PRIM2: variants seen among roughly 807,000 people sequenced by gnomAD.
The protein encoded by PRIM2 is DNA primase subunit 2, also known as DNA primase large subunit.
PRIM2 carries 39 observed loss-of-function variants against 67.3 expected under a neutral mutation model. That is an observed-to-expected ratio of 0.58 (90% CI 0.45 to 0.76). The LOEUF (loss-of-function observed/expected upper bound fraction) is 0.76. Ranked by LOEUF, PRIM2 falls within the 30% of genes least tolerant of loss-of-function variation. PRIM2 has a pLI of 0.00. For missense variants in PRIM2, 398 were observed against 598.7 expected (o/e 0.66, Z 3.50); for synonymous variants, 143 against 198.7 (o/e 0.72, Z 2.36).
At position 57,601,165 on chromosome 6, in the gene PRIM2, T is replaced by C; in HGVS notation, c.1093T>C (p.Phe365Leu). 1.2e-6 allele frequency: 2 copies of C among 1,612,756 alleles called. No homozygotes were observed. Among genetic ancestry groups the C allele is most frequent in the South Asian group, 2.2e-5 (2 of 90,910 alleles). The change falls in exon 11 of 14, where the codon TTC becomes CTC. Residue 365 changes from phenylalanine to leucine, a missense_variant. By Grantham distance (22) the Phe-to-Leu change is conservative. Transcript: ENST00000615550. ...KEGKRTDYTPFSCLKIILSNP... is the reference protein window; with the variant it reads ...KEGKRTDYTPLSCLKIILSNP... ...AGGCAAGAGGACAGACTATACACCT[T>C]TCAGTTGCCTGAAGATTATTCTGTC...
chr6:57,277,527 T>C, the PRIM2 span, among the ~76,000 whole-genome samples: 1 of 152,118 alleles, frequency 6.6e-6, no homozygotes, highest in African/African-American at 2.4e-5. Context: ...CAGTTACCCA[T>C]TTAAAGTTAA....
At chr6:57,439,705 G>A (rs113797280) in intron 7 of PRIM2, among the ~76,000 whole-genome samples, 3 of 151,898 alleles carry the variant, frequency 2.0e-5, no homozygotes, top group Non-Finnish European at 4.4e-5. Context: ...CTGAGCCACC[G>A]TGCCTGGCCG....
the PRIM2 span, among the ~76,000 whole-genome samples, chr6:57,289,456 A>G: frequency 6.6e-6 from 1 of 152,096 alleles, no homozygotes; most frequent in Non-Finnish European, 1.5e-5. Flanking sequence ...TACAGGGAAC[A>G]CCACAAAGAT....
chr6:57,437,209 C>T (rs372671612), intron 7 of PRIM2, among the ~76,000 whole-genome samples: 3 of 152,280 alleles, frequency 2.0e-5, no homozygotes, highest in Admixed American at 6.5e-5. Context: ...ACAAGAGCAG[C>T]GCCAAGGGCA....
chr6:57,455,256 T>C (rs1043564600), intron 7 of PRIM2, among the ~76,000 whole-genome samples: 1 of 152,236 alleles, frequency 6.6e-6, no homozygotes, highest in Non-Finnish European at 1.5e-5. Context: ...GAAGAATGTG[T>C]ATTCTGTTGA....
intron 12 of PRIM2, among the ~76,000 whole-genome samples, chr6:57,618,751 C>T (rs1197365073): frequency 6.6e-6 from 1 of 152,142 alleles, no homozygotes; most frequent in Non-Finnish European, 1.5e-5. Context: ...CACCCCGTCC[C>T]CCACAGCAGC....
chr6:57,369,238 T>C (rs1394837303), intron 5 of PRIM2, among the ~76,000 whole-genome samples: 4 of 152,198 alleles, frequency 2.6e-5, no homozygotes, highest in Non-Finnish European at 5.9e-5. Context: ...CTTTCAGGAT[T>C]TCAACAGAGT....
chr6:57,443,983 G>A (rs1211469021), intron 7 of PRIM2, among the ~76,000 whole-genome samples: 1 of 152,070 alleles, frequency 6.6e-6, no homozygotes, highest in African/African-American at 2.4e-5. Context: ...TTCTGCATGT[G>A]GAAATCCAGT....
Position 57,646,327 on chromosome 6 carries a change from C to T in PRIM2, c.*169C>T. On this transcript the variant is annotated 3_prime_UTR_variant, in exon 14 of 14. Coordinates refer to ENST00000615550, the MANE Select transcript of PRIM2 (RefSeq NM_000947.5). ...TCAAGTGATCCTCCTACCTCAGCCT[C>T]CCAAGTAGTTAGGACCACAGGTGTG... is the stretch of plus-strand genomic sequence containing the variant. The T allele has an allele frequency of 1.6e-6, 1 of 615,922 alleles. No homozygotes were observed. Among genetic ancestry groups the T allele is most frequent in the Non-Finnish European group, 2.8e-6 (1 of 351,088 alleles). 38.2% of individuals were successfully genotyped at this position (615,922 alleles called of 1,614,324 possible). A position where few individuals can be genotyped will look rare whatever the true frequency, so the allele number is the denominator to read the frequency against.
At chr6:57,385,503 A>G (rs7771695) in intron 7 of PRIM2, among the ~76,000 whole-genome samples, 1 of 152,318 alleles carries the variant, frequency 6.6e-6, no homozygotes, top group Admixed American at 6.5e-5. Flanking sequence ...TTTCCTGCAT[A>G]ACCACAATTC....
At chr6:57,293,243 C>T in the PRIM2 span, among the ~76,000 whole-genome samples, 3 of 152,218 alleles carry the variant, frequency 2.0e-5, no homozygotes, top group East Asian at 1.9e-4. Flanking sequence ...AAATACTCAT[C>T]GTCACTGCTC....
chr6:57,555,271 G>A (rs1395698567), intron 10 of PRIM2, among the ~76,000 whole-genome samples: 1 of 152,074 alleles, frequency 6.6e-6, no homozygotes, highest in Non-Finnish European at 1.5e-5. Context: ...GGCACTTTGT[G>A]TAAATATTGT....
At chr6:57,570,640 A>G (rs1298934321) in intron 10 of PRIM2, among the ~76,000 whole-genome samples, 1 of 152,202 alleles carries the variant, frequency 6.6e-6, no homozygotes, top group Non-Finnish European at 1.5e-5. Context: ...GATGTAAAGC[A>G]GCAATAATAT....
At chr6:57,317,781 A>G (rs976361818) in intron 1 of PRIM2, 80 bp downstream of exon 1, 1 of 152,868 alleles carries the variant, frequency 6.5e-6, no homozygotes, top group Admixed American at 6.5e-5. Context: ...GGAGAGATGG[A>G]TCACTTTGCA....
intron 7 of PRIM2, among the ~76,000 whole-genome samples, chr6:57,504,504 C>T (rs1774213479): frequency 1.3e-5 from 2 of 152,142 alleles, no homozygotes; most frequent in Admixed American, 1.3e-4. Flanking sequence ...AATGAAAGGA[C>T]ATCTTAACTC....
At chr6:57,251,905 A>T in the PRIM2 span, among the ~76,000 whole-genome samples, 1 of 152,174 alleles carries the variant, frequency 6.6e-6, no homozygotes, top group Non-Finnish European at 1.5e-5. Context: ...CTGTTGGGTG[A>T]ATTAACTACA....
intron 7 of PRIM2, among the ~76,000 whole-genome samples, chr6:57,503,621 C>T: frequency 6.6e-6 from 1 of 152,042 alleles, no homozygotes; most frequent in East Asian, 1.9e-4. Flanking sequence ...TGGTGGCACA[C>T]ACCTGTAATC....
rs1296183408 is a variant in PRIM2 at position 57,524,803 on chromosome 6, A to G, written c.762-7608A>G. Among the ~76,000 whole-genome samples the G allele has an allele frequency of 7.9e-5, 12 of 152,278 alleles. No individual in the cohort carries two copies. The South Asian group carries it at 1.9e-3, about 24-fold the overall frequency. ...ACCATCGCCTCAAAATAAAACAAAA[A>G]CACCAGATTACTTTTGTGTAGGCAG... On this transcript the variant is annotated intron_variant, in intron 8 of 13. Transcript: ENST00000615550.
chr6:57,506,656 G>T (rs1774256745), intron 7 of PRIM2, among the ~76,000 whole-genome samples: 1 of 151,802 alleles, frequency 6.6e-6, no homozygotes, highest in Admixed American at 6.6e-5. Context: ...TAATTTCCTT[G>T]TGTCAAATTC....
Sources: allele counts gnomAD v4.1 joint callset (sites outside exome capture counted in the v4.1 genomes callset), GRCh38; gene constraint gnomAD v4.1.1; transcripts MANE v1.5; gene names NCBI Gene and HGNC (gene_info 2026-07-23, HGNC 2026-07-21).